Variants in SNTG1 observed in about 807,000 individuals in gnomAD.
SNTG1 encodes the protein gamma-1-syntrophin.
Under a neutral mutation model 74.7 loss-of-function variants are expected in SNTG1, and 39 were observed. The observed-to-expected ratio is 0.52, with a 90% confidence interval of 0.40 to 0.68. SNTG1 has a LOEUF of 0.68. Among genes scored for constraint, SNTG1 ranks in the 30% least tolerant of loss-of-function variants. The pLI is 0.00. For synonymous variants in SNTG1, 254 were observed against 217.1 expected (o/e 1.17, Z -1.49); for missense variants, 685 against 609.5 (o/e 1.12, Z -1.30).
intron 9 of SNTG1, among the ~76,000 whole-genome samples, chr8:50,521,318 G>C (rs1424482190): frequency 2.6e-5 from 4 of 152,130 alleles, no homozygotes; most frequent in Admixed American, 6.6e-5. Context: ...GCCTAATGTA[G>C]GTGATGGGTT....
chr8:50,401,238 A>T (rs952607113), intron 3 of SNTG1, among the ~76,000 whole-genome samples: 2 of 152,178 alleles, frequency 1.3e-5, no homozygotes, highest in African/African-American at 4.8e-5. Context: ...TTGGTGCCGA[A>T]TAAGAGCTAA....
At chr8:49,987,413 A>T (rs1010068384) in intron 1 of SNTG1, among the ~76,000 whole-genome samples, 3 of 152,184 alleles carry the variant, frequency 2.0e-5, no homozygotes, top group Admixed American at 2.0e-4. Context: ...ACTGCAGGAT[A>T]AGATACACCT....
chr8:49,949,744 C>T (rs543579622), intron 1 of SNTG1, among the ~76,000 whole-genome samples: 3 of 152,276 alleles, frequency 2.0e-5, no homozygotes, highest in South Asian at 4.1e-4. Context: ...AAGGGAATAC[C>T]TGTTAACCCA....
chr8:50,217,202 A>C lies in SNTG1; in HGVS notation c.-28+44567A>C, dbSNP rs547392483. ...CTACATATTTAAATATTACTCATTT[A>C]TGAATGGTTAATATACTGGTACACA... On this transcript the variant is annotated intron_variant, in intron 2 of 18. Coordinates refer to ENST00000642720, the MANE Select transcript of SNTG1 (RefSeq NM_018967.5). 3.5e-4 allele frequency among the ~76,000 whole-genome samples: 54 copies of C among 152,198 alleles called. 1 individual carries two copies. In the South Asian group the frequency reaches 0.011, roughly 31 times the overall value.
chr8:50,274,109 ATGGAGTCTCGCTCTGTTACCCAGGC>A, intron 2 of SNTG1, among the ~76,000 whole-genome samples: 1 of 151,980 alleles, frequency 6.6e-6, no homozygotes, highest in East Asian at 1.9e-4. Context: ...TGCTTTTGAG[ATGGAGTCTCGCTCTGTTACCCAGGC>A]TGGAGTGCAA....
chr8:50,148,018 A>C (rs1348032272), intron 1 of SNTG1, among the ~76,000 whole-genome samples: 1 of 152,230 alleles, frequency 6.6e-6, no homozygotes, highest in Non-Finnish European at 1.5e-5. Flanking sequence ...ATCAGGTTAT[A>C]TCAGAAGGAC....
intron 8 of SNTG1, among the ~76,000 whole-genome samples, chr8:50,465,836 A>G (rs1429015871): frequency 6.6e-6 from 1 of 152,276 alleles, no homozygotes; most frequent in Admixed American, 6.5e-5. Context: ...TTGTTTATCC[A>G]TTCACCTGTT....
At chr8:50,761,457 G>A (rs2095598689) in intron 18 of SNTG1, among the ~76,000 whole-genome samples, 1 of 151,858 alleles carries the variant, frequency 6.6e-6, no homozygotes, top group East Asian at 2.0e-4. Context: ...CGCTTAGGTT[G>A]GACAGGATGG....
At chr8:50,156,628 G>T (rs142251040) in intron 1 of SNTG1, among the ~76,000 whole-genome samples, 1 of 151,902 alleles carries the variant, frequency 6.6e-6, no homozygotes, top group African/African-American at 2.4e-5. Context: ...TCCTAGTTGT[G>T]CCCATGGACA....
intron 15 of SNTG1, among the ~76,000 whole-genome samples, chr8:50,701,373 G>A (rs2095422978): frequency 1.3e-5 from 2 of 152,226 alleles, no homozygotes; most frequent in Admixed American, 1.3e-4. Flanking sequence ...TCCTTCCCTA[G>A]CTTCAGCTCT....
At chr8:50,502,504 T>C (rs1312823530) in intron 8 of SNTG1, among the ~76,000 whole-genome samples, 5 of 152,212 alleles carry the variant, frequency 3.3e-5, no homozygotes, top group African/African-American at 9.6e-5. Context: ...TCATATTGCC[T>C]AATATAGAGC....
chr8:50,648,696 T>C (rs1278698275), intron 13 of SNTG1, among the ~76,000 whole-genome samples: 1 of 151,590 alleles, frequency 6.6e-6, no homozygotes. Flanking sequence ...TAAAATATAT[T>C]GTATATATAG....
At chr8:50,381,735 G>GTT (rs1369529757) in intron 2 of SNTG1, among the ~76,000 whole-genome samples, 1 of 118,984 alleles carries the variant, frequency 8.4e-6, no homozygotes, top group African/African-American at 3.2e-5. Flanking sequence ...TATCCTATTA[G>GTT]TTATATATAT....
rs568294797 is a variant in SNTG1, at chr8:50,387,670, C to T, written c.-27-6542C>T. Reference sequence around the variant, plus strand: ...TCCAAAATCATGAGTATCCATTCCACACGTATTTCCCAGAAGTCTGTCTGT... The same window carrying T: ...TCCAAAATCATGAGTATCCATTCCATACGTATTTCCCAGAAGTCTGTCTGT... On this transcript the variant is annotated intron_variant, in intron 2 of 18. Transcript: ENST00000642720. Among the ~76,000 whole-genome samples, 385 of 152,236 alleles carry T rather than the reference C, an allele frequency of 2.5e-3. 2 individuals are homozygous for T. Among genetic ancestry groups the T allele is most frequent in the African/African-American group, 8.8e-3 (366 of 41,552 alleles).
intron 2 of SNTG1, among the ~76,000 whole-genome samples, chr8:50,251,533 T>C (rs1347752126): frequency 6.6e-6 from 1 of 151,618 alleles, no homozygotes; most frequent in Non-Finnish European, 1.5e-5. Flanking sequence ...GATGGAAAAA[T>C]ATATTTCATA....
chr8:50,029,155 T>A (rs1326899696), intron 1 of SNTG1, among the ~76,000 whole-genome samples: 2 of 152,118 alleles, frequency 1.3e-5, no homozygotes, highest in African/African-American at 4.8e-5. Context: ...GTGCATGTGG[T>A]TTCATATCTA....
chr8:50,134,603 G>T (rs1035332200), intron 1 of SNTG1, among the ~76,000 whole-genome samples: 1 of 152,150 alleles, frequency 6.6e-6, no homozygotes, highest in African/African-American at 2.4e-5. Flanking sequence ...TGATGACAGG[G>T]AAAGATAGAA....
chr8:50,163,789 T>A (rs1477648769), intron 1 of SNTG1: 1 of 149,332 alleles, frequency 6.7e-6, no homozygotes, highest in Non-Finnish European at 1.5e-5. Flanking sequence ...GCCCATGAAT[T>A]TTTTTAGTAA....
rs534194349 is a variant in SNTG1, at chr8:50,742,686, T to C, written c.1285-9315T>C. Among the ~76,000 whole-genome samples the C allele has an allele frequency of 4.4e-4, 67 of 151,592 alleles. 1 individual carries two copies. Among genetic ancestry groups the C allele is most frequent in the African/African-American group, 1.6e-3 (66 of 41,432 alleles). ...AGAAAGGTGAAAACAATAAAGATTA[T>C]AGTTGAAAAAAATAAAATAGATACT... On this transcript the variant is annotated intron_variant, in intron 17 of 18. Coordinates refer to ENST00000642720, the MANE Select transcript of SNTG1 (RefSeq NM_018967.5).
Sources: allele counts gnomAD v4.1 joint callset (sites outside exome capture counted in the v4.1 genomes callset), GRCh38; gene constraint gnomAD v4.1.1; transcripts MANE v1.5; gene names NCBI Gene and HGNC (gene_info 2026-07-23, HGNC 2026-07-21).